MARCHF4: variants seen among roughly 807,000 people sequenced by gnomAD.
MARCHF4 encodes the protein E3 ubiquitin-protein ligase MARCHF4.
Under a neutral mutation model 43.9 loss-of-function variants are expected in MARCHF4, and 14 were observed. The ratio of observed to expected loss-of-function variants is 0.32; its 90% CI spans 0.21 to 0.50. The LOEUF is 0.50. Among genes scored for constraint, MARCHF4 ranks in the 20% least tolerant of loss-of-function variants. The probability of loss-of-function intolerance (pLI) is 0.98; values close to 1 mark genes in which losing one functional copy is unlikely to be tolerated. For synonymous variants in MARCHF4, 226 were observed against 213.3 expected (o/e 1.06, Z -0.52); for missense variants, 468 against 536.7 (o/e 0.87, Z 1.27).
At chr2:216,348,274 T>C (rs1692350877) in intron 1 of MARCHF4, among the ~76,000 whole-genome samples, 1 of 152,178 alleles carries the variant, frequency 6.6e-6, no homozygotes, top group Admixed American at 6.5e-5. Context: ...TGACATCAGG[T>C]GATCCACCCT....
At chr2:216,319,277 C>T (rs932165489) in intron 1 of MARCHF4, among the ~76,000 whole-genome samples, 2 of 152,148 alleles carry the variant, frequency 1.3e-5, no homozygotes, top group Admixed American at 6.5e-5. Flanking sequence ...CACTGCATTC[C>T]AGCCTGGGCA....
chr2:216,302,496 G>A (rs1691507350), intron 1 of MARCHF4, among the ~76,000 whole-genome samples: 1 of 151,406 alleles, frequency 6.6e-6, no homozygotes, highest in Non-Finnish European at 1.5e-5. Flanking sequence ...CCAAAGTGCT[G>A]GGATTACAGG....
At chr2:216,260,539 A>C (rs2105929801) in intron 3 of MARCHF4, among the ~76,000 whole-genome samples, 1 of 152,310 alleles carries the variant, frequency 6.6e-6, no homozygotes, top group South Asian at 2.1e-4. Flanking sequence ...GAGAGAGAGC[A>C]CTTCGGTGGA....
At position 216,369,826 on chromosome 2, in the gene MARCHF4, C is replaced by CTCG; in HGVS notation, c.432_434dup (p.Thr144_Glu145insAsp). On this transcript the variant is annotated inframe_insertion, in exon 1 of 4. Coordinates refer to ENST00000273067, the MANE Select transcript of MARCHF4 (RefSeq NM_020814.3). The stretch of plus-strand genomic sequence containing the variant: ...AGCTGCTGCCCAGTGAGTAGCGATC[C>CTCG]TCGGTCTTCTCCTTACAGAAGTCAT... 6.2e-7 allele frequency: 1 copy of CTCG among 1,613,956 alleles called. No homozygotes were observed. The highest frequency in any genetic ancestry group is 8.5e-7 in the Non-Finnish European group (1 of 1,179,998).
chr2:216,307,108 T>C (rs1479904510), intron 1 of MARCHF4, among the ~76,000 whole-genome samples: 1 of 151,668 alleles, frequency 6.6e-6, no homozygotes, highest in Non-Finnish European at 1.5e-5. Context: ...GGTAGGTGAG[T>C]CCCACAGCGG....
chr2:216,309,736 C>T (rs1391868773), intron 1 of MARCHF4, among the ~76,000 whole-genome samples: 1 of 152,236 alleles, frequency 6.6e-6, no homozygotes, highest in East Asian at 1.9e-4. Flanking sequence ...CCCAGCTACA[C>T]AGACCAAGGG....
intron 3 of MARCHF4, among the ~76,000 whole-genome samples, chr2:216,268,080 C>T (rs549513218): frequency 6.6e-6 from 1 of 152,194 alleles, no homozygotes; most frequent in Admixed American, 6.5e-5. Context: ...TCTACAGCTG[C>T]TGCTTCTCAT....
intron 3 of MARCHF4, among the ~76,000 whole-genome samples, chr2:216,272,260 A>G (rs1331447973): frequency 6.6e-6 from 1 of 152,174 alleles, no homozygotes; most frequent in Non-Finnish European, 1.5e-5. Flanking sequence ...TCTTATAGGG[A>G]GATAAACCAT....
intron 1 of MARCHF4, among the ~76,000 whole-genome samples, chr2:216,292,473 A>G (rs527960563): frequency 6.6e-6 from 1 of 152,354 alleles, no homozygotes; most frequent in East Asian, 1.9e-4. Context: ...GAGCAGAAAA[A>G]TTCACTGGAT....
Position 216,259,319 on chromosome 2 carries a change from G to C in MARCHF4, c.1226C>G (p.Thr409Arg). ...SSRELVMRVT[T>R]V ...CCTTCCGGGCCTCTGCTCTCACACT[G>C]TCGTGACTCTCATGACCAGCTCTCG... The change falls in exon 4 of 4, where the codon ACA (threonine) becomes AGA (arginine). Residue 409 changes from threonine (T) to arginine (R), a missense_variant. Around this residue, in one of 3 missense-constraint regions of MARCHF4, gnomAD observed 120 missense variants for 127.1 expected, o/e 0.94. Transcript: ENST00000273067. 1 of 1,546,874 alleles carries C rather than the reference G, an allele frequency of 6.5e-7. No individual in the cohort carries two copies. The highest frequency in any genetic ancestry group is 8.7e-7 in the Non-Finnish European group (1 of 1,144,012).
At chr2:216,324,883 C>T (rs1367658393) in intron 1 of MARCHF4, among the ~76,000 whole-genome samples, 1 of 146,442 alleles carries the variant, frequency 6.8e-6, no homozygotes, top group Non-Finnish European at 1.5e-5. Context: ...AAACTGGAAG[C>T]ATTCCCTTTG....
intron 1 of MARCHF4, 81 bp from the exon 2 acceptor site, chr2:216,283,810 G>A (rs1691174597): frequency 1.4e-6 from 2 of 1,423,804 alleles, no homozygotes; most frequent in Admixed American, 4.2e-5. Flanking sequence ...GGTGGCAGCT[G>A]CAGCCTGGTT....
intron 1 of MARCHF4, among the ~76,000 whole-genome samples, chr2:216,338,347 C>T (rs1692188402): frequency 6.6e-6 from 1 of 152,204 alleles, no homozygotes; most frequent in Admixed American, 6.5e-5. Flanking sequence ...ACTGGTTCAG[C>T]CAAGTGGGAG....
At chr2:216,289,113 G>C (rs987725798) in intron 1 of MARCHF4, among the ~76,000 whole-genome samples, 20 of 150,032 alleles carry the variant, frequency 1.3e-4, no homozygotes, top group Admixed American at 9.3e-4. Context: ...GTCTCGCTCT[G>C]TCACCCAGGC....
chr2:216,275,603 G>C lies in MARCHF4; in HGVS notation c.865+2069C>G, dbSNP rs559652119. Among the ~76,000 whole-genome samples, 123 of 152,342 alleles carry C rather than the reference G, an allele frequency of 8.1e-4. 1 individual carries two copies. The highest frequency in any genetic ancestry group is 2.8e-3 in the African/African-American group (118 of 41,596). On this transcript the variant is annotated intron_variant, in intron 3 of 3. Coordinates refer to ENST00000273067, the MANE Select transcript of MARCHF4 (RefSeq NM_020814.3). ...CTCAGTTCTCTCAGCTGCAAAGCAA[G>C]CAAGCCAGACTGGTCGATGACATGG...
rs768132663 is a variant in MARCHF4, at chr2:216,277,659, C to A, written c.865+13G>T. 2 of 1,589,088 alleles carry A rather than the reference C, an allele frequency of 1.3e-6. No homozygotes were observed. The highest frequency in any genetic ancestry group is 2.3e-5 in the East Asian group (1 of 44,194). On this transcript the variant is annotated intron_variant, in intron 3 of 3. Coordinates refer to ENST00000273067, the MANE Select transcript of MARCHF4 (RefSeq NM_020814.3). Reference sequence around the variant, plus strand: ...GTTCCCCACTTCCCATGGAGACAAACCCCCAGACCCACCTATGCACACCAC... The same window carrying A: ...GTTCCCCACTTCCCATGGAGACAAAACCCCAGACCCACCTATGCACACCAC...
chr2:216,323,751 T>C (rs941074420), intron 1 of MARCHF4, among the ~76,000 whole-genome samples: 4 of 152,086 alleles, frequency 2.6e-5, no homozygotes, highest in Non-Finnish European at 5.9e-5. Context: ...AATAAAGATG[T>C]TCTTTGAAAC....
intron 1 of MARCHF4, among the ~76,000 whole-genome samples, chr2:216,333,309 C>A (rs779588679): frequency 1.3e-5 from 2 of 152,166 alleles, no homozygotes; most frequent in African/African-American, 4.8e-5. Flanking sequence ...AGACAGCTAA[C>A]CCTGTAGAAA....
intron 1 of MARCHF4, among the ~76,000 whole-genome samples, chr2:216,355,529 G>T (rs1004606601): frequency 6.6e-6 from 1 of 152,134 alleles, no homozygotes; most frequent in Non-Finnish European, 1.5e-5. Flanking sequence ...AAATTAGGAG[G>T]AACCTTTCTC....
Sources: allele counts gnomAD v4.1 joint callset (sites outside exome capture counted in the v4.1 genomes callset), GRCh38; gene constraint gnomAD v4.1.1; regional missense constraint gnomAD v4.1.1; transcripts MANE v1.5; gene names NCBI Gene and HGNC (gene_info 2026-07-23, HGNC 2026-07-21).